CACNA1E: variants seen among roughly 807,000 people sequenced by gnomAD.
CACNA1E encodes calcium voltage-gated channel subunit alpha1 E.
A neutral mutation model predicts 259.2 loss-of-function variants in CACNA1E; 40 were observed. The ratio of observed to expected loss-of-function variants is 0.15; its 90% CI spans 0.12 to 0.20. The LOEUF is 0.20. Among genes scored for constraint, CACNA1E ranks in the 10% least tolerant of loss-of-function variants. CACNA1E has a pLI of 1.00. For missense variants in CACNA1E, 1,874 were observed against 3,040.1 expected (o/e 0.62, Z 9.02); for synonymous variants, 1,104 against 1,138.5 (o/e 0.97, Z 0.61).
chr1:181,777,200 TGAATGCTTACTCCAAAG>T (rs1274805164), intron 38 of CACNA1E, among the ~76,000 whole-genome samples: 3 of 152,256 alleles, frequency 2.0e-5, no homozygotes, highest in Non-Finnish European at 4.4e-5. Flanking sequence ...GAGAGTTCTA[TGAATGCTTACTCCAAAG>T]GAACTGTTCT....
In CACNA1E at chr1:181,518,792, C is replaced by G. The variant is rs75837502; in HGVS notation, c.512+7282C>G. On this transcript the variant is annotated intron_variant, in intron 3 of 47. Coordinates refer to ENST00000367573, the MANE Select transcript of CACNA1E (RefSeq NM_001205293.3). ...TAAGACATTGGTGTTGGGATGGTTT[C>G]TGTTTCCTGAAAGGCTTCTTCTTGC... 1.7e-4 allele frequency among the ~76,000 whole-genome samples: 26 copies of G among 152,280 alleles called. No individual in the cohort carries two copies. In the East Asian group the frequency reaches 5.0e-3, roughly 29 times the overall value.
At chr1:181,535,611 C>T (rs1265760626) in intron 3 of CACNA1E, among the ~76,000 whole-genome samples, 1 of 151,874 alleles carries the variant, frequency 6.6e-6, no homozygotes, top group Non-Finnish European at 1.5e-5. Flanking sequence ...AGATGATTAC[C>T]TTTAAATTTT....
intron 3 of CACNA1E, among the ~76,000 whole-genome samples, chr1:181,514,735 T>C (rs1666433476): frequency 6.6e-6 from 1 of 152,094 alleles, no homozygotes; most frequent in Non-Finnish European, 1.5e-5. Context: ...GGTGCTGAGG[T>C]GTCAGTCAGC....
At chr1:181,559,274 A>G (rs1239127056) in intron 3 of CACNA1E, among the ~76,000 whole-genome samples, 1 of 152,222 alleles carries the variant, frequency 6.6e-6, no homozygotes, top group African/African-American at 2.4e-5. Flanking sequence ...AATGGATTGC[A>G]CAGAATATGT....
intron 6 of CACNA1E, among the ~76,000 whole-genome samples, chr1:181,603,679 C>T (rs1653956881): frequency 6.6e-6 from 1 of 151,924 alleles, no homozygotes; most frequent in African/African-American, 2.4e-5. Context: ...GTCCTAGAGG[C>T]TTTGGGACAT....
In CACNA1E at chr1:181,516,117, C is replaced by T. The variant is rs531991028; in HGVS notation, c.512+4607C>T. On this transcript the variant is annotated intron_variant, in intron 3 of 47. Transcript: ENST00000367573. ...TAGGCCATTAAGCAATATTGGGCTT[C>T]CAGTCACCTGTGGTTATTTACCAGG... 1.5e-4 allele frequency among the ~76,000 whole-genome samples: 23 copies of T among 152,206 alleles called. No homozygotes were observed. The Middle Eastern group carries it at 0.01, about 68-fold the overall frequency.
chr1:181,785,573 A>G, intron 42 of CACNA1E, 140 bp from the exon 43 acceptor site: 1 of 865,282 alleles, frequency 1.2e-6, no homozygotes, highest in East Asian at 2.4e-5. Flanking sequence ...GTGGAATTAG[A>G]AACCCAGTGG....
At chr1:181,706,358 T>C (rs542334175) in intron 7 of CACNA1E, among the ~76,000 whole-genome samples, 1 of 152,262 alleles carries the variant, frequency 6.6e-6, no homozygotes, top group Non-Finnish European at 1.5e-5. Flanking sequence ...AGGGACCAGT[T>C]AAAGGAGTAT....
At chr1:181,427,048 C>T (rs1659328815) in intron 2 of CACNA1E, among the ~76,000 whole-genome samples, 1 of 151,594 alleles carries the variant, frequency 6.6e-6, no homozygotes, top group African/African-American at 2.4e-5. Context: ...ATCTCAACCC[C>T]TTCACAACTC....
chr1:181,691,246 G>A (rs903211999), intron 7 of CACNA1E, among the ~76,000 whole-genome samples: 39 of 151,698 alleles, frequency 2.6e-4, no homozygotes, highest in Non-Finnish European at 3.7e-4. Context: ...ATTTATCAGA[G>A]TTTTGTAGTT....
chr1:181,634,038 C>T (rs1470300958), intron 6 of CACNA1E, among the ~76,000 whole-genome samples: 1 of 152,158 alleles, frequency 6.6e-6, no homozygotes, highest in Non-Finnish European at 1.5e-5. Flanking sequence ...TAATTGATGG[C>T]CCACCAGTTT....
chr1:181,555,343 G>T (rs759727591), intron 3 of CACNA1E, among the ~76,000 whole-genome samples: 1 of 152,220 alleles, frequency 6.6e-6, no homozygotes, highest in Non-Finnish European at 1.5e-5. Flanking sequence ...GCTTCTAGAG[G>T]TCTTTCATCT....
chr1:181,397,675 T>A (rs112619261), intron 1 of CACNA1E, among the ~76,000 whole-genome samples: 218 of 152,326 alleles, frequency 1.4e-3, no homozygotes, highest in Admixed American at 4.2e-3. Flanking sequence ...AAAACTTTTG[T>A]ATGGGCTACA....
chr1:181,378,600 T>G (rs753322651), intron 1 of CACNA1E, among the ~76,000 whole-genome samples: 2 of 152,162 alleles, frequency 1.3e-5, no homozygotes, highest in Non-Finnish European at 2.9e-5. Flanking sequence ...AGCTGAGTAC[T>G]TATAAGTGCA....
At chr1:181,724,406 GC>G (rs1654693300) in intron 16 of CACNA1E, 63 bp from the exon 17 acceptor site, 5 of 1,273,496 alleles carry the variant, frequency 3.9e-6, no homozygotes, top group Non-Finnish European at 4.5e-6. Context: ...TTATCAGGTG[GC>G]CTCTCAGCCT....
intron 1 of CACNA1E, among the ~76,000 whole-genome samples, chr1:181,344,219 G>T (rs1652408859): frequency 6.6e-6 from 1 of 152,268 alleles, no homozygotes; most frequent in African/African-American, 2.4e-5. Flanking sequence ...TTCACAGCTG[G>T]ATTCCAAGCA....
At chr1:181,549,488 G>T (rs1411509265) in intron 3 of CACNA1E, among the ~76,000 whole-genome samples, 3 of 152,204 alleles carry the variant, frequency 2.0e-5, no homozygotes, top group East Asian at 3.8e-4. Flanking sequence ...ACTGGCAGGG[G>T]TGGTTGGGTG....
chr1:181,355,849 A>T (rs1449883144), intron 1 of CACNA1E, among the ~76,000 whole-genome samples: 1 of 152,202 alleles, frequency 6.6e-6, no homozygotes. Flanking sequence ...GGCATTAGAC[A>T]GGAAAGTGAA....
At chr1:181,454,997 T>C (rs568427881) in intron 2 of CACNA1E, among the ~76,000 whole-genome samples, 1 of 152,348 alleles carries the variant, frequency 6.6e-6, no homozygotes, top group East Asian at 1.9e-4. Context: ...GATGATAACA[T>C]TTTCATCAGT....
Sources: allele counts gnomAD v4.1 joint callset (sites outside exome capture counted in the v4.1 genomes callset), GRCh38; gene constraint gnomAD v4.1.1; transcripts MANE v1.5; gene names NCBI Gene and HGNC (gene_info 2026-07-23, HGNC 2026-07-21).